The following RBFOX1 variants were observed in gnomAD, a reference collection of about 807,000 sequenced individuals.
RBFOX1 encodes RNA binding protein fox-1 homolog 1.
RBFOX1 carries 8 observed loss-of-function variants against 57.7 expected under a neutral mutation model. The observed-to-expected ratio is 0.14, with a 90% confidence interval of 0.08 to 0.25. The LOEUF (loss-of-function observed/expected upper bound fraction) is 0.25. Among genes scored for constraint, RBFOX1 ranks in the 10% least tolerant of loss-of-function variants. The pLI is 1.00. For synonymous variants in RBFOX1, 326 were observed against 222.4 expected, an observed-to-expected ratio of 1.47 and a Z score of -4.15; for missense variants, 611 against 548.5, an observed-to-expected ratio of 1.11 and a Z score of -1.14.
intron 14 of RBFOX1, among the ~76,000 whole-genome samples, chr16:7,692,805 A>G (rs2077638503): frequency 1.3e-5 from 2 of 152,182 alleles, no homozygotes; most frequent in African/African-American, 4.8e-5. Flanking sequence ...AGCTCTATGT[A>G]GCAAGCTGGG....
At chr16:6,176,889 T>A (rs374393277) in intron 1 of RBFOX1, among the ~76,000 whole-genome samples, 145 of 152,268 alleles carry the variant, frequency 9.5e-4, no homozygotes, top group African/African-American at 3.3e-3. Flanking sequence ...GTGATTGCCG[T>A]GAGAACAGGT....
At chr16:7,433,151 C>A (rs113361007) in intron 4 of RBFOX1, among the ~76,000 whole-genome samples, 3,661 of 152,224 alleles carry the variant, frequency 0.024, 42 homozygotes, top group Middle Eastern at 0.041. Flanking sequence ...ACTTGCTGAT[C>A]CTCCCTTCTT....
At chr16:7,084,454 T>G (rs1293718255) in intron 4 of RBFOX1, among the ~76,000 whole-genome samples, 5 of 152,162 alleles carry the variant, frequency 3.3e-5, no homozygotes, top group African/African-American at 1.2e-4. Context: ...GACCTAGTAA[T>G]GTCTTACTTA....
rs1013564636 is a variant in RBFOX1 at position 6,671,184 on chromosome 16, T to C, written c.-16+16534T>C. Among the ~76,000 whole-genome samples, 7 of 152,212 alleles carry C rather than the reference T, an allele frequency of 4.6e-5. 1 individual carries two copies. The highest frequency in any genetic ancestry group is 4.6e-4 in the Admixed American group (7 of 15,274). The stretch of plus-strand genomic sequence containing the variant: ...AAAGGACACCTGGACTGAGCCACCA[T>C]TGTTATTTTACTTGCAATGTCAAAA... On this transcript the variant is annotated intron_variant, in intron 3 of 15. Coordinates refer to ENST00000550418, the MANE Select transcript of RBFOX1 (RefSeq NM_018723.4).
At chr16:7,706,344 G>C (rs959747555) in intron 14 of RBFOX1, among the ~76,000 whole-genome samples, 2 of 152,222 alleles carry the variant, frequency 1.3e-5, no homozygotes, top group Non-Finnish European at 1.5e-5. Flanking sequence ...TCATTTCTGA[G>C]GAGTAGTTCA....
chr16:5,987,504 A>G (rs975384668), intron 4 of RBFOX1, among the ~76,000 whole-genome samples: 7 of 152,126 alleles, frequency 4.6e-5, no homozygotes, highest in African/African-American at 1.7e-4. Flanking sequence ...ATAGTTTTAC[A>G]TTTTACACTT....
chr16:5,295,106 G>A (rs954080127), intron 1 of RBFOX1, among the ~76,000 whole-genome samples: 5 of 151,156 alleles, frequency 3.3e-5, no homozygotes, highest in African/African-American at 1.2e-4. Context: ...CGATGTCCTG[G>A]CATTTGTCAG....
At chr16:7,617,788 C>G (rs2058695639) in intron 10 of RBFOX1, among the ~76,000 whole-genome samples, 1 of 152,128 alleles carries the variant, frequency 6.6e-6, no homozygotes, top group Non-Finnish European at 1.5e-5. Flanking sequence ...AACAAACTGT[C>G]AATGCGGGTA....
chr16:6,387,917 C>T (rs912471827), intron 2 of RBFOX1, among the ~76,000 whole-genome samples: 1 of 149,972 alleles, frequency 6.7e-6, no homozygotes, highest in African/African-American at 2.5e-5. Flanking sequence ...GTCACTATGA[C>T]TGTTGAAAGG....
intron 3 of RBFOX1, among the ~76,000 whole-genome samples, chr16:6,800,981 C>A (rs939637163): frequency 6.6e-6 from 1 of 152,012 alleles, no homozygotes; most frequent in Non-Finnish European, 1.5e-5. Flanking sequence ...TGTGGGAAAT[C>A]AATAAATGTT....
In RBFOX1 at chr16:5,691,906, C is replaced by T. The variant is rs2050691878; in HGVS notation, c.318+92945C>T. The stretch of plus-strand genomic sequence containing the variant: ...TTCAAGCCAGAGCTTCTTGTACTCT[C>T]CTATACTGCCTTCCTCCACTTTGTG... On this transcript the variant is annotated intron_variant, in intron 3 of 19. Transcript: ENST00000641259. Among the ~76,000 whole-genome samples the T allele has an allele frequency of 1.3e-5, 2 of 152,180 alleles. 1 individual carries two copies. The highest frequency in any genetic ancestry group is 4.1e-4 in the South Asian group (2 of 4,822).
chr16:6,985,804 G>A (rs560885184), intron 3 of RBFOX1, among the ~76,000 whole-genome samples: 9 of 132,596 alleles, frequency 6.8e-5, no homozygotes, highest in African/African-American at 2.4e-4. Context: ...ACTGCACTCC[G>A]GCCTGGGCCA....
chr16:6,747,462 G>GTCTATCTGTCTGTCTGTCTATCTA, intron 3 of RBFOX1, among the ~76,000 whole-genome samples: 1 of 151,570 alleles, frequency 6.6e-6, no homozygotes, highest in Non-Finnish European at 1.5e-5. Flanking sequence ...CTGTCTGTCT[G>GTCTATCTGTCTGTCTGTCTATCTA]TCTGTCTGTC....
chr16:6,058,237 T>A (rs2095638430), intron 1 of RBFOX1, among the ~76,000 whole-genome samples: 1 of 152,128 alleles, frequency 6.6e-6, no homozygotes, highest in African/African-American at 2.4e-5. Context: ...TTATTGGTTT[T>A]CATTAATCCC....
chr16:6,100,589 T>C (rs1369048634), intron 1 of RBFOX1, among the ~76,000 whole-genome samples: 1 of 152,226 alleles, frequency 6.6e-6, no homozygotes, highest in Non-Finnish European at 1.5e-5. Context: ...TCAGTTTGGA[T>C]TCTCTTTTTT....
At chr16:7,311,846 G>A (rs757625782) in intron 4 of RBFOX1, among the ~76,000 whole-genome samples, 9 of 152,198 alleles carry the variant, frequency 5.9e-5, no homozygotes, top group Non-Finnish European at 1.0e-4. Context: ...GAAGTTATAT[G>A]TAGGACAGAA....
intron 4 of RBFOX1, among the ~76,000 whole-genome samples, chr16:7,506,738 AGT>A (rs2073437628): frequency 6.6e-6 from 1 of 152,198 alleles, no homozygotes; most frequent in South Asian, 2.1e-4. Context: ...TGTGTTGGAA[AGT>A]GTTTTCCATT....
At chr16:5,433,392 G>T (rs183414530) in intron 1 of RBFOX1, among the ~76,000 whole-genome samples, 2 of 152,110 alleles carry the variant, frequency 1.3e-5, no homozygotes, top group Admixed American at 1.3e-4. Flanking sequence ...AGCCACATGC[G>T]TGCTGCACTT....
chr16:5,889,915 C>A (rs1291759442), intron 4 of RBFOX1, among the ~76,000 whole-genome samples: 2 of 152,226 alleles, frequency 1.3e-5, no homozygotes, highest in Non-Finnish European at 2.9e-5. Context: ...AGCACAGGAT[C>A]TGGCAGAGGA....
Sources: allele counts gnomAD v4.1 joint callset (sites outside exome capture counted in the v4.1 genomes callset), GRCh38; gene constraint gnomAD v4.1.1; transcripts MANE v1.5; gene names NCBI Gene and HGNC (gene_info 2026-07-23, HGNC 2026-07-21).